RORA: variants seen among roughly 807,000 people sequenced by gnomAD.
The protein encoded by RORA is RAR related orphan receptor A.
In RORA, 7 loss-of-function variants were observed where a neutral mutation model predicts 69.5. The observed-to-expected ratio is 0.10, with a 90% CI of 0.06 to 0.19. The LOEUF (loss-of-function observed/expected upper bound fraction) is 0.19. Ranked by LOEUF, RORA falls within the 10% of genes least tolerant of loss-of-function variation. The pLI is 1.00. For synonymous variants in RORA, 261 were observed against 240.8 expected (o/e 1.08, Z -0.78); for missense variants, 457 against 663.0 (o/e 0.69, Z 3.41).
intron 6 of RORA, among the ~76,000 whole-genome samples, chr15:60,505,246 A>G (rs2065461507): frequency 6.6e-6 from 1 of 152,226 alleles, no homozygotes. Flanking sequence ...AAGCTGCTTA[A>G]TCTATTCTCC....
intron 1 of RORA, chr15:60,841,029 G>C (rs919132869): frequency 1.1e-6 from 1 of 941,058 alleles, no homozygotes; most frequent in Non-Finnish European, 1.3e-6. Flanking sequence ...GGAAGCCAGA[G>C]AAATTTAGGC....
intron 1 of RORA, among the ~76,000 whole-genome samples, chr15:61,051,883 T>C (rs2078019670): frequency 6.6e-6 from 1 of 152,122 alleles, no homozygotes; most frequent in Non-Finnish European, 1.5e-5. Flanking sequence ...CCAAGGAACA[T>C]ACAACAGACA....
chr15:61,137,102 A>AGAAAGAAAGAAAG (rs60733247), intron 1 of RORA, among the ~76,000 whole-genome samples: 2 of 149,742 alleles, frequency 1.3e-5, no homozygotes, highest in Admixed American at 6.6e-5. Flanking sequence ...AAAGAAAGAA[A>AGAAAGAAAGAAAG]AAAGCAAGGG....
At chr15:61,224,018 A>AC (rs397819840) in intron 1 of RORA, among the ~76,000 whole-genome samples, 4 of 151,604 alleles carry the variant, frequency 2.6e-5, no homozygotes, top group African/African-American at 9.7e-5. Flanking sequence ...AAAAAAAAAA[A>AC]CCACTAAAAA....
chr15:60,501,693 T>C (rs1349917010), intron 8 of RORA, among the ~76,000 whole-genome samples: 1 of 152,244 alleles, frequency 6.6e-6, no homozygotes, highest in Admixed American at 6.5e-5. Context: ...AAATGACATA[T>C]TCTGGTGGTA....
At chr15:61,121,884 A>G (rs1249279367) in intron 1 of RORA, among the ~76,000 whole-genome samples, 1 of 151,820 alleles carries the variant, frequency 6.6e-6, no homozygotes, top group Non-Finnish European at 1.5e-5. Flanking sequence ...AGTTATAATA[A>G]GGATCCATAT....
rs986322967 is a variant in RORA at position 60,507,870 on chromosome 15, C to G, written c.821-2241G>C. On this transcript the variant is annotated intron_variant, in intron 5 of 10. Transcript: ENST00000335670. ...TGTTTCATTTCTAGTTAATAAGATACTTAGCATCTTGTGGTTTCACTTTGT... is the reference window on the plus strand; with the variant it reads ...TGTTTCATTTCTAGTTAATAAGATAGTTAGCATCTTGTGGTTTCACTTTGT... 2.0e-5 allele frequency among the ~76,000 whole-genome samples: 3 copies of G among 152,254 alleles called. No individual in the cohort carries two copies. The South Asian group carries it at 6.2e-4, about 32-fold the overall frequency.
intron 1 of RORA, among the ~76,000 whole-genome samples, chr15:61,109,961 C>T (rs555838274): frequency 7.9e-5 from 12 of 152,192 alleles, no homozygotes; most frequent in African/African-American, 2.4e-4. Context: ...AATATGACAG[C>T]GGTCCCACAG....
chr15:60,980,813 T>G (rs1363780930), intron 1 of RORA, among the ~76,000 whole-genome samples: 1 of 152,098 alleles, frequency 6.6e-6, no homozygotes, highest in Non-Finnish European at 1.5e-5. Context: ...GTTAATCTTT[T>G]CAAATAACCA....
At chr15:60,661,576 G>A (rs1455419003) in intron 2 of RORA, among the ~76,000 whole-genome samples, 1 of 152,168 alleles carries the variant, frequency 6.6e-6, no homozygotes, top group Non-Finnish European at 1.5e-5. Flanking sequence ...ACCAGGTAAA[G>A]GGTTTCTCCC....
intron 1 of RORA, among the ~76,000 whole-genome samples, chr15:60,817,830 T>C (rs928426021): frequency 1.3e-5 from 2 of 152,264 alleles, no homozygotes; most frequent in Non-Finnish European, 2.9e-5. Context: ...ATATACTCTG[T>C]GCAGGCATGA....
At chr15:60,923,431 G>T (rs564354434) in intron 1 of RORA, among the ~76,000 whole-genome samples, 1 of 152,282 alleles carries the variant, frequency 6.6e-6, no homozygotes, top group Admixed American at 6.5e-5. Flanking sequence ...TGGGATAAAT[G>T]AACAGATGAG....
chr15:61,153,565 T>C (rs948297524), intron 1 of RORA, among the ~76,000 whole-genome samples: 1 of 152,224 alleles, frequency 6.6e-6, no homozygotes, highest in Non-Finnish European at 1.5e-5. Flanking sequence ...CTTTATTACC[T>C]TGTTGAGTAC....
chr15:60,701,870 C>T (rs1596138582), intron 1 of RORA, among the ~76,000 whole-genome samples: 1 of 152,146 alleles, frequency 6.6e-6, no homozygotes, highest in African/African-American at 2.4e-5. Flanking sequence ...CAGTCTTTGA[C>T]TCTTCAAAGG....
intron 2 of RORA, among the ~76,000 whole-genome samples, chr15:60,582,470 C>G (rs1027807714): frequency 6.6e-6 from 1 of 152,206 alleles, no homozygotes; most frequent in Non-Finnish European, 1.5e-5. Flanking sequence ...AAGTGAACAA[C>G]TGAGGTTTAA....
rs558230269 is a variant in RORA at position 60,727,060 on chromosome 15, G to T, written c.167-48374C>A. Among the ~76,000 whole-genome samples the T allele has an allele frequency of 2.0e-3, 301 of 152,274 alleles. 1 individual carries two copies. The South Asian group carries it at 0.022, about 11-fold the overall frequency. On this transcript the variant is annotated intron_variant, in intron 1 of 10. Coordinates refer to ENST00000335670, the MANE Select transcript of RORA (RefSeq NM_134261.3). ...CACAAACAGCAGCTCACACAGGTTTGCTGGTTTTTGTCCCCAGCAAGCCCA... is the reference window on the plus strand; with the variant it reads ...CACAAACAGCAGCTCACACAGGTTTTCTGGTTTTTGTCCCCAGCAAGCCCA...
intron 2 of RORA, among the ~76,000 whole-genome samples, chr15:60,674,785 G>T (rs1163568446): frequency 6.6e-6 from 1 of 152,178 alleles, no homozygotes; most frequent in African/African-American, 2.4e-5. Flanking sequence ...CTCAAGTTGG[G>T]AGTAAACTGA....
At chr15:61,016,409 G>C (rs1895291011) in intron 1 of RORA, among the ~76,000 whole-genome samples, 1 of 152,190 alleles carries the variant, frequency 6.6e-6, no homozygotes, top group South Asian at 2.1e-4. Flanking sequence ...AGGATAAACA[G>C]GTGGCATGCC....
At chr15:60,548,346 G>A (rs558408716) in intron 2 of RORA, among the ~76,000 whole-genome samples, 2 of 152,184 alleles carry the variant, frequency 1.3e-5, no homozygotes, top group South Asian at 4.2e-4. Context: ...CTGTCTCCAT[G>A]AACACTGCAG....
Sources: allele counts gnomAD v4.1 joint callset (sites outside exome capture counted in the v4.1 genomes callset), GRCh38; gene constraint gnomAD v4.1.1; transcripts MANE v1.5; gene names NCBI Gene and HGNC (gene_info 2026-07-23, HGNC 2026-07-21).